TMEM45A: variants seen among roughly 807,000 people sequenced by gnomAD.
TMEM45A encodes the protein transmembrane protein 45A, also known as DNA polymerase-transactivated protein 4.
A neutral mutation model predicts 32.0 loss-of-function variants in TMEM45A; 25 were observed. That is an observed-to-expected ratio of 0.78 (90% CI 0.57 to 1.09). TMEM45A has a LOEUF of 1.09. TMEM45A is among the 50% of genes least tolerant of loss of function. TMEM45A has a pLI of 0.00. For missense variants in TMEM45A, 302 were observed against 325.0 expected, an observed-to-expected ratio of 0.93 and a Z score of 0.54; for synonymous variants, 122 against 114.8, an observed-to-expected ratio of 1.06 and a Z score of -0.40.
At chr3:100,563,604 A>T (rs1706374288) in intron 4 of TMEM45A, among the ~76,000 whole-genome samples, 1 of 152,138 alleles carries the variant, frequency 6.6e-6, no homozygotes. Flanking sequence ...GTCAATTTCC[A>T]TGAATTTGTT....
Position 100,558,390 on chromosome 3 carries a change from T to C in TMEM45A, c.404-15T>C, listed in dbSNP as rs769393403. 378 of 1,612,058 alleles carry C rather than the reference T, an allele frequency of 2.3e-4. No homozygotes were observed. Among genetic ancestry groups the C allele is most frequent in the Non-Finnish European group, 3.2e-4 (372 of 1,179,824 alleles). ...TGGTTCCACTGAAAAAGACAATCTG[T>C]TTTTTCCCCATCAGCCTTTATCTTC... On this transcript the variant is annotated splice_polypyrimidine_tract_variant and intron_variant, in intron 3 of 5. Transcript: ENST00000323523.
chr3:100,534,521 G>A (rs1055137911), intron 1 of TMEM45A, among the ~76,000 whole-genome samples: 1 of 152,158 alleles, frequency 6.6e-6, no homozygotes, highest in South Asian at 2.1e-4. Flanking sequence ...AACACAGGAG[G>A]TATCTAGAAG....
chr3:100,555,978 G>A (rs1225412197), intron 2 of TMEM45A, among the ~76,000 whole-genome samples: 2 of 152,088 alleles, frequency 1.3e-5, no homozygotes, highest in Admixed American at 1.3e-4. Flanking sequence ...ATCTGTCTGG[G>A]CTTTCTTTTT....
intron 1 of TMEM45A, among the ~76,000 whole-genome samples, chr3:100,533,124 C>T (rs907319719): frequency 7.2e-5 from 11 of 152,146 alleles, no homozygotes; most frequent in African/African-American, 9.7e-5. Context: ...TCTCTCTCCC[C>T]TCCCTTCCTT....
At chr3:100,543,630 T>C (rs1435042517) in intron 1 of TMEM45A, among the ~76,000 whole-genome samples, 1 of 152,198 alleles carries the variant, frequency 6.6e-6, no homozygotes, top group Non-Finnish European at 1.5e-5. Context: ...GGACAATTAG[T>C]GTTTTGCCTT....
intron 1 of TMEM45A, among the ~76,000 whole-genome samples, chr3:100,553,757 A>G (rs751631107): frequency 3.9e-5 from 6 of 152,250 alleles, no homozygotes; most frequent in Admixed American, 3.9e-4. Context: ...CATTACAGGT[A>G]TAGTTAGGAC....
intron 4 of TMEM45A, among the ~76,000 whole-genome samples, chr3:100,563,028 A>G (rs772896931): frequency 1.2e-4 from 18 of 152,178 alleles, no homozygotes; most frequent in Non-Finnish European, 7.4e-5. Context: ...TACAAGAGAA[A>G]TTTATTCTTT....
rs1412164501 is a variant in TMEM45A at position 100,558,468 on chromosome 3, T to C, written c.467T>C (p.Leu156Pro). Residue 156 changes from leucine (L) to proline (P), a missense_variant, in exon 4 of 6, where the codon CTG becomes CCG. Coordinates refer to ENST00000323523, the MANE Select transcript of TMEM45A (RefSeq NM_018004.3). ...CTGGACATCTTTGTGCACCAGCTGC[T>C]GGTTTTGGTCGTCTTTCTGACAGGC... is the stretch of plus-strand genomic sequence containing the variant. ...EMLDIFVHQL[L>P]VLVVFLTGLV... 6.2e-7 allele frequency: 1 copy of C among 1,614,012 alleles called. No individual in the cohort carries two copies. Among genetic ancestry groups the C allele is most frequent in the African/African-American group, 1.3e-5 (1 of 74,922 alleles).
intron 4 of TMEM45A, among the ~76,000 whole-genome samples, chr3:100,563,370 A>G (rs1276833198): frequency 6.6e-6 from 1 of 152,192 alleles, no homozygotes; most frequent in African/African-American, 2.4e-5. Context: ...ACATTCAGAG[A>G]TACTGGGAGT....
intron 1 of TMEM45A, among the ~76,000 whole-genome samples, chr3:100,507,559 G>C (rs1576258713): frequency 1.3e-5 from 2 of 152,210 alleles, no homozygotes; most frequent in East Asian, 1.9e-4. Flanking sequence ...CACCTAGAAA[G>C]GTTTTCAATA....
chr3:100,525,902 C>T (rs1451834024), intron 1 of TMEM45A, among the ~76,000 whole-genome samples: 5 of 152,276 alleles, frequency 3.3e-5, no homozygotes, highest in Admixed American at 6.5e-5. Flanking sequence ...GCCTCTGAAG[C>T]GTCACTGACC....
chr3:100,508,364 A>C (rs1163542914), intron 1 of TMEM45A, among the ~76,000 whole-genome samples: 1 of 152,210 alleles, frequency 6.6e-6, no homozygotes, highest in East Asian at 1.9e-4. Context: ...CAGCCCATGC[A>C]TCTCCATATC....
chr3:100,558,118 AC>A lies in TMEM45A; in HGVS notation c.404-286del. ...GAGGAAAAGATATTCATTCAAAAAT[AC>A]AGTTAACACCCTGAGATAATGAGAA... On this transcript the variant is annotated intron_variant, in intron 3 of 5. Transcript: ENST00000323523. Among the ~76,000 whole-genome samples the A allele has an allele frequency of 3.3e-5, 5 of 152,352 alleles. No homozygotes were observed. The Middle Eastern group carries it at 0.017, about 518-fold the overall frequency.
chr3:100,493,921 G>A (rs1451798280), intron 1 of TMEM45A, among the ~76,000 whole-genome samples: 3 of 152,174 alleles, frequency 2.0e-5, no homozygotes, highest in South Asian at 2.1e-4. Flanking sequence ...TAGTAAAGAC[G>A]GGGTTTCGCC....
At chr3:100,498,761 C>T (rs1248280788) in intron 1 of TMEM45A, among the ~76,000 whole-genome samples, 4 of 152,094 alleles carry the variant, frequency 2.6e-5, no homozygotes, top group Non-Finnish European at 4.4e-5. Flanking sequence ...TATTGGATTA[C>T]CCCTTATTTT....
In TMEM45A at chr3:100,555,260, A is replaced by G. The variant is rs779372366; in HGVS notation, c.49A>G (p.Ile17Val). 3.1e-6 allele frequency: 5 copies of G among 1,611,682 alleles called. No homozygotes were observed. The highest frequency in any genetic ancestry group is 1.3e-5 in the African/African-American group (1 of 74,800). ...HALPGTFFFI[I>V]GLWWCTKSIL... ...CCTCCCTGGAACCTTCTTTTTTATT[A>G]TTGGTCTTTGGTGGTGTACAAAGAG... Residue 17 changes from isoleucine to valine, a missense_variant, in exon 2 of 6, where the codon ATT becomes GTT. Coordinates refer to ENST00000323523, the MANE Select transcript of TMEM45A (RefSeq NM_018004.3).
chr3:100,528,256 C>G (rs1223647658), intron 1 of TMEM45A, among the ~76,000 whole-genome samples: 1 of 152,150 alleles, frequency 6.6e-6, no homozygotes, highest in East Asian at 1.9e-4. Context: ...TTCTGGGAAC[C>G]TTTCGCATCT....
intron 5 of TMEM45A, among the ~76,000 whole-genome samples, chr3:100,570,088 T>G (rs1044862850): frequency 3.3e-5 from 5 of 152,374 alleles, no homozygotes; most frequent in Non-Finnish European, 5.9e-5. Context: ...GTATCTACAA[T>G]GTCTAATATG....
chr3:100,503,054 C>G (rs1346116287), intron 1 of TMEM45A, among the ~76,000 whole-genome samples: 1 of 149,338 alleles, frequency 6.7e-6, no homozygotes, highest in East Asian at 2.0e-4. Context: ...CTCCTTCTTC[C>G]TCTCTTTCTT....
Sources: allele counts gnomAD v4.1 joint callset (sites outside exome capture counted in the v4.1 genomes callset), GRCh38; gene constraint gnomAD v4.1.1; transcripts MANE v1.5; gene names NCBI Gene and HGNC (gene_info 2026-07-23, HGNC 2026-07-21).